The following B3GAT1 variants were observed in gnomAD, a reference collection of about 807,000 sequenced individuals.
The protein encoded by B3GAT1 is galactosylgalactosylxylosylprotein 3-beta-glucuronosyltransferase 1.
In B3GAT1, 11 loss-of-function variants were observed where a neutral mutation model predicts 28.4. That is an observed-to-expected ratio of 0.39 (90% confidence interval 0.24 to 0.64). B3GAT1 has a LOEUF of 0.64. Ranked by LOEUF, B3GAT1 falls within the 30% of genes least tolerant of loss-of-function variation. The pLI, the probability that B3GAT1 is intolerant of heterozygous loss-of-function variation, is 0.50. For missense variants in B3GAT1, 375 were observed against 491.0 expected, an observed-to-expected ratio of 0.76 and a Z score of 2.23; for synonymous variants, 255 against 223.1, an observed-to-expected ratio of 1.14 and a Z score of -1.27.
chr11:134,410,772 C>T (rs1045268676), intron 1 of B3GAT1, among the ~76,000 whole-genome samples: 2 of 152,212 alleles, frequency 1.3e-5, no homozygotes, highest in Non-Finnish European at 2.9e-5. Context: ...CTCCCATTTC[C>T]ACACAAACAC....
chr11:134,391,386 C>T (rs1036841346), intron 1 of B3GAT1: 1 of 152,228 alleles, frequency 6.6e-6, no homozygotes, highest in African/African-American at 2.4e-5. Flanking sequence ...CTGCACCTGC[C>T]CCCAGCTCTG....
intron 1 of B3GAT1, among the ~76,000 whole-genome samples, chr11:134,395,514 C>A (rs567128942): frequency 6.6e-6 from 1 of 152,058 alleles, no homozygotes; most frequent in Non-Finnish European, 1.5e-5. Context: ...GGCCACTTGA[C>A]CCCTGCCTGC....
intron 1 of B3GAT1, chr11:134,391,852 T>G (rs1944417227): frequency 6.6e-6 from 1 of 152,242 alleles, no homozygotes; most frequent in Admixed American, 6.5e-5. Context: ...CCGGGTGCCC[T>G]CAGAGCCTCA....
chr11:134,388,597 G>A (rs564147185), intron 1 of B3GAT1: 1 of 152,498 alleles, frequency 6.6e-6, no homozygotes, highest in South Asian at 2.1e-4. Context: ...ACCCAACAGG[G>A]CGTTTTTCAG....
intron 1 of B3GAT1, among the ~76,000 whole-genome samples, chr11:134,403,297 T>G (rs534709005): frequency 1.2e-4 from 19 of 152,130 alleles, no homozygotes; most frequent in Admixed American, 1.2e-3. Flanking sequence ...GCAGCAGGGA[T>G]GAGAGCAGGA....
chr11:134,383,767 G>C lies in B3GAT1; in HGVS notation c.534C>G (p.Arg178=), dbSNP rs907259227. The C allele has an allele frequency of 6.3e-6, 10 of 1,594,532 alleles. No homozygotes were observed. In the Admixed American group the frequency reaches 6.9e-5, roughly 11 times the overall value. The change falls in exon 3 of 6, where the codon CGC becomes CGG. Residue 178 remains arginine, a synonymous_variant. Coordinates refer to ENST00000312527, the MANE Select transcript of B3GAT1 (RefSeq NM_054025.3). ...MQRNLALRWL[R]ETFPRNSSQP... is the part of the protein sequence containing the mutation. ...GGCTGGAGTTGCGCGGGAAGGTCTC[G>C]CGCAGCCAGCGCAGGGCCAGGTTGC... is the stretch of plus-strand genomic sequence containing the variant.
chr11:134,400,627 T>C (rs1272721904), intron 1 of B3GAT1, among the ~76,000 whole-genome samples: 2 of 152,310 alleles, frequency 1.3e-5, no homozygotes, highest in East Asian at 3.9e-4. Flanking sequence ...GGACCAAAGA[T>C]TTAAATGTTG....
chr11:134,384,056 G>T lies in B3GAT1; in HGVS notation c.245C>A (p.Thr82Lys). ...VYTRPPPWSD[T>K]LPTIHVVTPT... ...CGTCACCACGTGGATGGTGGGCAGC[G>T]TGTCGGACCATGGCGGGGGCCGCGT... Residue 82 changes from threonine (T) to lysine (K), a missense_variant, in exon 3 of 6, where the codon ACG becomes AAG. Coordinates refer to ENST00000312527, the MANE Select transcript of B3GAT1 (RefSeq NM_054025.3). The T allele has an allele frequency of 6.2e-7, 1 of 1,604,980 alleles. No homozygotes were observed.
chr11:134,387,212 A>C (rs1591637051), intron 2 of B3GAT1: 3 of 284,288 alleles, frequency 1.1e-5, no homozygotes, highest in East Asian at 7.0e-5. Context: ...TCCACTTCCC[A>C]CCTCCCCCTC....
intron 1 of B3GAT1, among the ~76,000 whole-genome samples, chr11:134,397,928 C>G (rs938374151): frequency 6.6e-6 from 1 of 152,156 alleles, no homozygotes; most frequent in African/African-American, 2.4e-5. Flanking sequence ...TCCCCCTTGC[C>G]CAGCACTCTC....
rs1944865724 is a variant in B3GAT1, at chr11:134,411,887, A to G, written c.-362T>C. 6.7e-6 allele frequency: 1 copy of G among 148,896 alleles called. No homozygotes were observed. Among genetic ancestry groups the G allele is most frequent in the South Asian group, 2.1e-4 (1 of 4,758 alleles). The allele number at this position is 148,896 out of a possible 1,614,324, so 9.2% of individuals were successfully genotyped here. The stretch of plus-strand genomic sequence containing the variant: ...TACGCCCCGGCCCCGGCGCCCCTAG[A>G]CCGCTGCCCTGGGCCGCGTGCGGCT... On this transcript the variant is annotated 5_prime_UTR_variant, in exon 1 of 6. Transcript: ENST00000312527. The surrounding 1 kb of genome is among the most constrained non-coding windows in gnomAD (Gnocchi z 6.0).
intron 1 of B3GAT1, among the ~76,000 whole-genome samples, chr11:134,402,585 A>G (rs1370701345): frequency 2.0e-5 from 3 of 151,842 alleles, no homozygotes; most frequent in Non-Finnish European, 4.4e-5. Flanking sequence ...GTGTCAGCTA[A>G]CCCCCCTGCC....
intron 1 of B3GAT1, 141 bp from the exon 2 acceptor site, chr11:134,388,081 T>C (rs1944334667): frequency 5.3e-6 from 2 of 379,680 alleles, no homozygotes; most frequent in Non-Finnish European, 1.1e-5. Context: ...GGACCTCTTT[T>C]GTCTGCCTGT....
At position 134,384,034 on chromosome 11, in the gene B3GAT1, C is replaced by T. The variant is rs748473859; in HGVS notation, c.267G>A (p.Val89=). 26 of 1,605,548 alleles carry T rather than the reference C, an allele frequency of 1.6e-5. No homozygotes were observed. The highest frequency in any genetic ancestry group is 4.0e-5 in the African/African-American group (3 of 74,910). Residue 89 remains valine, a synonymous_variant, in exon 3 of 6, where the codon GTG becomes GTA. Transcript: ENST00000312527. ...WSDTLPTIHV[V]TPTYSRPVQK... Reference sequence around the variant, plus strand: ...GCACCGGGCGGCTGTAGGTGGGCGTCACCACGTGGATGGTGGGCAGCGTGT... The same window carrying T: ...GCACCGGGCGGCTGTAGGTGGGCGTTACCACGTGGATGGTGGGCAGCGTGT...
intron 5 of B3GAT1, 136 bp downstream of exon 5, chr11:134,381,788 C>G: frequency 2.9e-6 from 2 of 679,658 alleles, no homozygotes; most frequent in Non-Finnish European, 5.1e-6. Flanking sequence ...ACTGTGGTGA[C>G]GACGCCCTCC....
chr11:134,381,803 C>T lies in B3GAT1; in HGVS notation c.*14+121G>A. On this transcript the variant is annotated intron_variant, in intron 5 of 5. Coordinates refer to ENST00000312527, the MANE Select transcript of B3GAT1 (RefSeq NM_054025.3). ...ACTGTGGTGACGACGCCCTCCACTCCTGCCCACATCTGCCCTGTCCTCCAC... is the reference window on the plus strand; with the variant it reads ...ACTGTGGTGACGACGCCCTCCACTCTTGCCCACATCTGCCCTGTCCTCCAC... 6.5e-6 allele frequency: 5 copies of T among 774,976 alleles called. No individual in the cohort carries two copies. The South Asian group carries it at 6.5e-5, about 10-fold the overall frequency. The allele number at this position is 774,976 out of a possible 1,614,324, so 48.0% of individuals were successfully genotyped here.
rs1944872453 is a variant in B3GAT1 at position 134,412,107 on chromosome 11, G to GT, written c.-583_-582insA. Among the ~76,000 whole-genome samples, 1 of 138,510 alleles carries GT rather than the reference G, an allele frequency of 7.2e-6. No homozygotes were observed. 90.9% of individuals were successfully genotyped at this position (138,510 alleles called of 152,430 possible). On this transcript the variant is annotated 5_prime_UTR_variant, in exon 1 of 6. Coordinates refer to ENST00000312527, the MANE Select transcript of B3GAT1 (RefSeq NM_054025.3). ...GAGGCGGGGGGCGGGGGGCGGGGAGGGGGAGCGGGGAGGGGGAGCGGGGAG... is the reference window on the plus strand; with the variant it reads ...GAGGCGGGGGGCGGGGGGCGGGGAGGTGGGAGCGGGGAGGGGGAGCGGGGAG...
chr11:134,398,503 T>C (rs1944548512), intron 1 of B3GAT1, among the ~76,000 whole-genome samples: 1 of 152,232 alleles, frequency 6.6e-6, no homozygotes, highest in South Asian at 2.1e-4. Context: ...GGACTGCACG[T>C]TGGTTATCTC....
intron 4 of B3GAT1, among the ~76,000 whole-genome samples, chr11:134,382,243 C>T (rs554851278): frequency 2.0e-4 from 30 of 152,312 alleles, no homozygotes; most frequent in African/African-American, 7.0e-4. Flanking sequence ...GTGATGCCTT[C>T]GGAATACCTG....
Sources: gnomAD v4.1 joint callset for allele counts (sites outside exome capture counted in the v4.1 genomes callset) on GRCh38, gnomAD v4.1.1 for gene constraint, Gnocchi (gnomAD v3.1) non-coding constraint, MANE v1.5 for transcripts, NCBI Gene and HGNC (gene_info 2026-07-23, HGNC 2026-07-21) for gene names.